Variants in MREG observed in about 807,000 individuals in gnomAD.
MREG encodes the protein melanoregulin.
Under a neutral mutation model 28.5 loss-of-function variants are expected in MREG, and 31 were observed. That is an observed-to-expected ratio of 1.09 (90% CI 0.82 to 1.47). The LOEUF is 1.47. MREG is among the 40% of genes most tolerant of loss of function. MREG has a pLI of 0.00. For missense variants in MREG, 256 were observed against 257.4 expected, an observed-to-expected ratio of 0.99 and a Z score of 0.04; for synonymous variants, 106 against 95.2, an observed-to-expected ratio of 1.11 and a Z score of -0.66.
intron 3 of MREG, among the ~76,000 whole-genome samples, chr2:215,946,191 T>A (rs1047130027): frequency 6.7e-6 from 1 of 149,810 alleles, no homozygotes; most frequent in African/African-American, 2.5e-5. Flanking sequence ...CCCAAAAGTA[T>A]AAAGGATTCA....
Position 215,954,445 on chromosome 2 carries a change from AAC to A in MREG, c.256-7334_256-7333del, listed in dbSNP as rs3078454. On this transcript the variant is annotated intron_variant, in intron 2 of 4. Coordinates refer to ENST00000263268, the MANE Select transcript of MREG (RefSeq NM_018000.3). ...TCCTTATTGTATTTGATCTGTGTAC[AAC>A]ACACACACACACACACACACACACA... 0.014 allele frequency among the ~76,000 whole-genome samples: 1,913 copies of A among 136,582 alleles called. 105 individuals carry two copies. In the East Asian group the frequency reaches 0.17, roughly 12 times the overall value. 89.6% of individuals were successfully genotyped at this position (136,582 alleles called of 152,430 possible). A position where few individuals can be genotyped will look rare whatever the true frequency, so the allele number is the denominator to read the frequency against.
At chr2:215,946,490 A>C (rs1692323532) in intron 3 of MREG, among the ~76,000 whole-genome samples, 1 of 152,198 alleles carries the variant, frequency 6.6e-6, no homozygotes, top group Non-Finnish European at 1.5e-5. Flanking sequence ...TTATTGTATC[A>C]CAATCCCGGG....
chr2:215,990,077 T>C (rs187366099), intron 2 of MREG, among the ~76,000 whole-genome samples: 1 of 152,000 alleles, frequency 6.6e-6, no homozygotes, highest in East Asian at 1.9e-4. Flanking sequence ...GAAGAGCAAC[T>C]CCAAGACACA....
At chr2:216,026,882 C>A (rs1694604797) in intron 1 of MREG, among the ~76,000 whole-genome samples, 1 of 152,162 alleles carries the variant, frequency 6.6e-6, no homozygotes, top group Admixed American at 6.5e-5. Flanking sequence ...TAAGGCAAAT[C>A]AGGTAAAACT....
chr2:216,030,991 C>CAT (rs1694679317), intron 1 of MREG, among the ~76,000 whole-genome samples: 1 of 151,788 alleles, frequency 6.6e-6, no homozygotes, highest in African/African-American at 2.4e-5. Flanking sequence ...CACACACACA[C>CAT]ACACTCTGTC....
chr2:215,974,850 A>ACTCTCTCT (rs1265665357), intron 2 of MREG, among the ~76,000 whole-genome samples: 1 of 132,960 alleles, frequency 7.5e-6, no homozygotes, highest in Middle Eastern at 3.5e-3. Flanking sequence ...ACACACACAC[A>ACTCTCTCT]CACTCTCTCT....
chr2:216,009,494 C>T (rs1228587626), intron 1 of MREG, among the ~76,000 whole-genome samples: 6 of 152,166 alleles, frequency 3.9e-5, no homozygotes, highest in African/African-American at 1.4e-4. Context: ...GATTCAGCAT[C>T]TCCCAGGCCT....
upstream of MREG, among the ~76,000 whole-genome samples, chr2:216,015,785 T>C (rs553639048): frequency 1.3e-5 from 2 of 152,080 alleles, no homozygotes; most frequent in South Asian, 4.2e-4. Flanking sequence ...GCTGAAGGAT[T>C]GTAAATAGGG....
intron 2 of MREG, among the ~76,000 whole-genome samples, chr2:215,963,102 T>C (rs1692835067): frequency 6.6e-6 from 1 of 151,866 alleles, no homozygotes; most frequent in South Asian, 2.1e-4. Context: ...CACTCCAGTC[T>C]GGGTGACAGA....
At chr2:215,993,347 T>C (rs937114639) in intron 2 of MREG, among the ~76,000 whole-genome samples, 17 of 152,046 alleles carry the variant, frequency 1.1e-4, no homozygotes, top group African/African-American at 4.1e-4. Context: ...ATAAATGGTG[T>C]TGGGAAAACT....
chr2:215,966,103 C>T (rs1011300098), intron 2 of MREG, among the ~76,000 whole-genome samples: 4 of 152,184 alleles, frequency 2.6e-5, no homozygotes, highest in Non-Finnish European at 5.9e-5. Flanking sequence ...GTACACCTTA[C>T]TTAGACCCAT....
At chr2:216,028,726 C>T (rs1302146072) in intron 1 of MREG, among the ~76,000 whole-genome samples, 1 of 151,776 alleles carries the variant, frequency 6.6e-6, no homozygotes, top group Non-Finnish European at 1.5e-5. Context: ...TTTGGGAATT[C>T]GAATTTGTAT....
chr2:216,027,537 A>ACAAAAAT, intron 1 of MREG, among the ~76,000 whole-genome samples: 1 of 152,300 alleles, frequency 6.6e-6, no homozygotes, highest in Middle Eastern at 3.4e-3. Context: ...TACTAAAAAT[A>ACAAAAAT]CAAAAATTAG....
chr2:215,989,185 T>C (rs1176605153), intron 2 of MREG, among the ~76,000 whole-genome samples: 1 of 151,928 alleles, frequency 6.6e-6, no homozygotes, highest in Non-Finnish European at 1.5e-5. Flanking sequence ...GGACAAAACT[T>C]CCAGAGGAAG....
intron 2 of MREG, among the ~76,000 whole-genome samples, chr2:215,976,743 G>T (rs572851178): frequency 4.6e-5 from 7 of 152,266 alleles, no homozygotes; most frequent in East Asian, 1.9e-4. Flanking sequence ...TTAAAGAAAA[G>T]AATTTTCAAC....
intron 2 of MREG, among the ~76,000 whole-genome samples, chr2:215,983,298 C>A (rs912788268): frequency 2.1e-4 from 32 of 152,220 alleles, no homozygotes; most frequent in African/African-American, 7.5e-4. Flanking sequence ...CACAGTAATG[C>A]AGAGCCAGAC....
chr2:216,006,086 G>C (rs78710989), intron 1 of MREG, among the ~76,000 whole-genome samples: 2 of 152,124 alleles, frequency 1.3e-5, no homozygotes, highest in Admixed American at 1.3e-4. Flanking sequence ...TTTAAACATA[G>C]GTGGTGTAGT....
chr2:216,018,395 TACG>T (rs957911507), upstream of MREG, among the ~76,000 whole-genome samples: 3 of 152,190 alleles, frequency 2.0e-5, no homozygotes, highest in Non-Finnish European at 4.4e-5. Flanking sequence ...GACCTTGCCA[TACG>T]ACAACATCTA....
intron 1 of MREG, among the ~76,000 whole-genome samples, chr2:216,030,948 TCTCTCTCTCACACACA>T (rs1372885342): frequency 5.6e-4 from 55 of 97,398 alleles, no homozygotes; most frequent in African/African-American, 2.1e-3. Context: ...TCTCTCTCTC[TCTCTCTCTCACACACA>T]CACACACACA....
Sources: allele counts gnomAD v4.1 joint callset (sites outside exome capture counted in the v4.1 genomes callset), GRCh38; gene constraint gnomAD v4.1.1; transcripts MANE v1.5; gene names NCBI Gene and HGNC (gene_info 2026-07-23, HGNC 2026-07-21).